Variants in RAB43 observed in about 807,000 individuals in gnomAD.
The protein encoded by RAB43 is RAB43, member RAS oncogene family.
RAB43 carries 6 observed loss-of-function variants against 18.8 expected under a neutral mutation model. That is an observed-to-expected ratio of 0.32 (90% CI 0.17 to 0.63). The LOEUF (loss-of-function observed/expected upper bound fraction) is 0.63, where lower values mean the gene tolerates loss of function less well. Ranked by LOEUF, RAB43 falls within the 30% of genes least tolerant of loss-of-function variation. RAB43 has a pLI of 0.79. For synonymous variants in RAB43, 103 were observed against 124.1 expected, an observed-to-expected ratio of 0.83 and a Z score of 1.13; for missense variants, 195 against 289.1, an observed-to-expected ratio of 0.67 and a Z score of 2.36.
At chr3:129,114,313 T>G (rs78271021) in intron 1 of RAB43, among the ~76,000 whole-genome samples, 5,351 of 152,220 alleles carry the variant, frequency 0.035, 219 homozygotes, top group East Asian at 0.11. Flanking sequence ...CTTTTTTCAT[T>G]TGTGGGTTTG....
chr3:129,097,114 C>T, intron 1 of RAB43, among the ~76,000 whole-genome samples: 1 of 147,924 alleles, frequency 6.8e-6, no homozygotes, highest in Non-Finnish European at 1.5e-5. Flanking sequence ...GAGACTGTCT[C>T]AAAAAAAAAG....
chr3:129,094,799 G>A (rs142203873), intron 2 of RAB43, among the ~76,000 whole-genome samples, 187 bp downstream of exon 2: 1 of 152,056 alleles, frequency 6.6e-6, no homozygotes, highest in South Asian at 2.1e-4. Flanking sequence ...CTACAGGCGT[G>A]AGCCACCGTG....
chr3:129,120,575 T>C (rs1378648701), intron 1 of RAB43, among the ~76,000 whole-genome samples: 3 of 151,960 alleles, frequency 2.0e-5, no homozygotes, highest in African/African-American at 7.3e-5. Flanking sequence ...CAGGACATTG[T>C]GGCAACCACA....
intron 1 of RAB43, among the ~76,000 whole-genome samples, chr3:129,110,802 T>C (rs1055928513): frequency 5.9e-5 from 9 of 151,512 alleles, no homozygotes; most frequent in South Asian, 4.2e-4. Context: ...TTTGAGTATA[T>C]TAAAAAACAA....
chr3:129,101,775 T>G (rs4927904), intron 1 of RAB43, among the ~76,000 whole-genome samples: 122,439 of 152,196 alleles, frequency 0.8, 53,429 homozygotes, highest in Non-Finnish European at 0.97. Context: ...AGGCCAAAGT[T>G]AAGAGTGTGG....
intron 1 of RAB43, among the ~76,000 whole-genome samples, chr3:129,120,174 G>A (rs1935815569): frequency 6.6e-6 from 1 of 152,160 alleles, no homozygotes; most frequent in Non-Finnish European, 1.5e-5. Flanking sequence ...AAAGACTGTT[G>A]ACTTACTTTT....
intron 1 of RAB43, among the ~76,000 whole-genome samples, chr3:129,109,100 T>C (rs1934973544): frequency 6.6e-6 from 1 of 151,170 alleles, no homozygotes; most frequent in Non-Finnish European, 1.5e-5. Flanking sequence ...TACTGATCTG[T>C]AAATTAATTT....
chr3:129,096,890 A>T (rs889709894), intron 1 of RAB43, among the ~76,000 whole-genome samples: 3 of 152,206 alleles, frequency 2.0e-5, no homozygotes, highest in Non-Finnish European at 4.4e-5. Context: ...AGGCAGAAGG[A>T]TCACCTGAGA....
intron 1 of RAB43, among the ~76,000 whole-genome samples, chr3:129,109,927 C>A (rs1049167998): frequency 6.6e-6 from 1 of 151,346 alleles, no homozygotes; most frequent in Non-Finnish European, 1.5e-5. Context: ...TGCAGTGGTG[C>A]GATCCTGGCT....
intron 1 of RAB43, among the ~76,000 whole-genome samples, chr3:129,116,660 T>C (rs754746911): frequency 2.6e-5 from 4 of 152,168 alleles, no homozygotes; most frequent in Non-Finnish European, 4.4e-5. Flanking sequence ...CCAAAGGTCC[T>C]GAAATCTGGA....
At chr3:129,093,986 A>C (rs1933849427) in intron 2 of RAB43, among the ~76,000 whole-genome samples, 1 of 152,232 alleles carries the variant, frequency 6.6e-6, no homozygotes, top group Non-Finnish European at 1.5e-5. Context: ...GGATAACATA[A>C]GAGCTAAAGA....
chr3:129,091,509 G>A (rs79606668), intron 2 of RAB43, among the ~76,000 whole-genome samples, 163 bp from the exon 3 acceptor site: 5,235 of 152,292 alleles, frequency 0.034, 206 homozygotes, highest in East Asian at 0.11. Flanking sequence ...TTTTTAGGCC[G>A]GGTGCAGTGG....
intron 1 of RAB43, among the ~76,000 whole-genome samples, chr3:129,100,588 A>G (rs1053092896): frequency 6.6e-6 from 1 of 152,254 alleles, no homozygotes; most frequent in African/African-American, 2.4e-5. Flanking sequence ...ACTACTGATT[A>G]AGGTATGTAG....
rs1458422700 is a variant in RAB43 at position 129,094,978 on chromosome 3, C to T, written c.388+8G>A. 6.2e-7 allele frequency: 1 copy of T among 1,609,614 alleles called. No individual in the cohort carries two copies. The highest frequency in any genetic ancestry group is 8.5e-7 in the Non-Finnish European group (1 of 1,177,422). Reference sequence around the variant, plus strand: ...GGGATTTGTGGTCCCGAGGAATCCCCAACTCACCGATCAGCAGCTGCACAA... The same window carrying T: ...GGGATTTGTGGTCCCGAGGAATCCCTAACTCACCGATCAGCAGCTGCACAA... On this transcript the variant is annotated splice_region_variant and intron_variant, in intron 2 of 2. Coordinates refer to ENST00000315150, the MANE Select transcript of RAB43 (RefSeq NM_198490.3).
rs375036168 is a variant in RAB43, at chr3:129,094,963, G to A, written c.388+23C>T. 5 of 1,601,982 alleles carry A rather than the reference G, an allele frequency of 3.1e-6. No individual in the cohort carries two copies. The African/African-American group carries it at 6.7e-5, about 21-fold the overall frequency. Reference sequence around the variant, plus strand: ...GACAGGCAGAGTGATGGGATTTGTGGTCCCGAGGAATCCCCAACTCACCGA... The same window carrying A: ...GACAGGCAGAGTGATGGGATTTGTGATCCCGAGGAATCCCCAACTCACCGA... On this transcript the variant is annotated intron_variant, in intron 2 of 2. Coordinates refer to ENST00000315150, the MANE Select transcript of RAB43 (RefSeq NM_198490.3).
At chr3:129,103,217 T>C (rs989666914) in intron 1 of RAB43, among the ~76,000 whole-genome samples, 12 of 152,176 alleles carry the variant, frequency 7.9e-5, no homozygotes, top group African/African-American at 2.9e-4. Context: ...CCCCACTGCA[T>C]CTGCCCTAGC....
chr3:129,089,526 G>A lies in RAB43; in HGVS notation c.*1570C>T, dbSNP rs1933512975. 1.0e-4 allele frequency: 1 copy of A among 9,748 alleles called. No individual in the cohort carries two copies. The highest frequency in any genetic ancestry group is 6.9e-4 in the Admixed American group (1 of 1,444). 0.6% of individuals were successfully genotyped at this position (9,748 alleles called of 1,614,324 possible). On this transcript the variant is annotated 3_prime_UTR_variant, in exon 3 of 3. Coordinates refer to ENST00000315150, the MANE Select transcript of RAB43 (RefSeq NM_198490.3). ...CTCCTGGCAGCCTTCCTCCCCTGCA[G>A]AACCAGGCTCAGCCATTCCACAGGT...
At chr3:129,111,561 G>A (rs12487527) in intron 1 of RAB43, among the ~76,000 whole-genome samples, 1 of 148,002 alleles carries the variant, frequency 6.8e-6, no homozygotes, top group Non-Finnish European at 1.5e-5. Context: ...ATGGGATCCA[G>A]CAGCACCCTC....
intron 1 of RAB43, among the ~76,000 whole-genome samples, chr3:129,096,996 C>T (rs1223765772): frequency 6.6e-6 from 1 of 151,998 alleles, no homozygotes; most frequent in Non-Finnish European, 1.5e-5. Flanking sequence ...GCCTGTAATC[C>T]CAGCTACTGG....
Sources: allele counts gnomAD v4.1 joint callset (sites outside exome capture counted in the v4.1 genomes callset), GRCh38; gene constraint gnomAD v4.1.1; transcripts MANE v1.5; gene names NCBI Gene and HGNC (gene_info 2026-07-23, HGNC 2026-07-21).